Variants in MKRN1 observed in about 807,000 individuals in gnomAD.
MKRN1 encodes E3 ubiquitin-protein ligase makorin-1.
Under a neutral mutation model 55.5 loss-of-function variants are expected in MKRN1, and 9 were observed. The observed-to-expected ratio is 0.16, with a 90% CI of 0.10 to 0.28. The LOEUF (loss-of-function observed/expected upper bound fraction) is 0.28. MKRN1 is among the 10% of genes least tolerant of loss of function. MKRN1 has a pLI of 1.00. For missense variants in MKRN1, 488 were observed against 626.7 expected (o/e 0.78, Z 2.36); for synonymous variants, 253 against 235.9 (o/e 1.07, Z -0.66).
rs139052285 is a variant in MKRN1, at chr7:140,475,341, A to AAAAC, written c.186-3334_186-3331dup. On this transcript the variant is annotated intron_variant, in intron 1 of 7. Coordinates refer to ENST00000255977, the MANE Select transcript of MKRN1 (RefSeq NM_013446.4). ...TTGGGCGACACAGACTCCATCTCAG[A>AAAAC]AAACAAACAAACAAACAAACAAAAC... 49 of 362,038 alleles carry AAAAC rather than the reference A, an allele frequency of 1.4e-4. No homozygotes were observed. In the Middle Eastern group the frequency reaches 2.2e-3, roughly 16 times the overall value. 22.4% of individuals were successfully genotyped at this position (362,038 alleles called of 1,614,324 possible).
At chr7:140,462,200 TTTA>T (rs1162870121) in intron 2 of MKRN1, among the ~76,000 whole-genome samples, 1 of 151,966 alleles carries the variant, frequency 6.6e-6, no homozygotes, top group Admixed American at 6.6e-5. Flanking sequence ...TCTAACTTTT[TTTA>T]TTTTTTGTAG....
chr7:140,459,945 A>G lies in MKRN1; in HGVS notation c.315-9T>C, dbSNP rs1563088722. ...GTTTGCTATGTTCATATCTAAGAAA[A>G]AATTCAAAAGTAAGCAGTCGGCCAG... is the stretch of plus-strand genomic sequence containing the variant. On this transcript the variant is annotated splice_polypyrimidine_tract_variant and intron_variant, in intron 2 of 7. Transcript: ENST00000255977. 6.2e-7 allele frequency: 1 copy of G among 1,610,580 alleles called. No homozygotes were observed. Among genetic ancestry groups the G allele is most frequent in the East Asian group, 2.2e-5 (1 of 44,820 alleles).
At chr7:140,456,210 A>C (rs957669830) in intron 5 of MKRN1, 9 of 1,156,436 alleles carry the variant, frequency 7.8e-6, no homozygotes. Flanking sequence ...AAATAAATTT[A>C]TTTCTTGTAG....
chr7:140,476,544 TG>T (rs377589590), intron 1 of MKRN1, among the ~76,000 whole-genome samples: 2,581 of 135,372 alleles, frequency 0.019, 85 homozygotes, highest in African/African-American at 0.081. Flanking sequence ...TTACAAGTTT[TG>T]TTTTTTTTTT....
At position 140,474,708 on chromosome 7, in the gene MKRN1, G is replaced by GGA. The variant is rs1446651949; in HGVS notation, c.186-2698_186-2697insTC. 1.1e-4 allele frequency among the ~76,000 whole-genome samples: 16 copies of GGA among 148,532 alleles called. No homozygotes were observed. In the East Asian group the frequency reaches 2.9e-3, roughly 27 times the overall value. Reference sequence around the variant, plus strand: ...GCACTCAGATAAAGAATTTCTGAAGGATTTCCTTCTTTCTTTTTTTTTTTT... The same window carrying GGA: ...GCACTCAGATAAAGAATTTCTGAAGGGAATTTCCTTCTTTCTTTTTTTTTTTT... On this transcript the variant is annotated intron_variant, in intron 1 of 7. Transcript: ENST00000255977.
At chr7:140,478,940 C>T (rs1795205599) in intron 1 of MKRN1, 1 of 449,372 alleles carries the variant, frequency 2.2e-6, no homozygotes, top group East Asian at 4.3e-5. Flanking sequence ...CAGGCCTCCG[C>T]GGACAGCGCT....
rs1047587419 is a variant in MKRN1 at position 140,459,383 on chromosome 7, A to C, written c.545-150T>G. ...CTAACTTCTTCACTTGAAAGAAAGG[A>C]ATTTTTTCTACCGCTGTTATTTCCA... On this transcript the variant is annotated intron_variant, in intron 3 of 7. Coordinates refer to ENST00000255977, the MANE Select transcript of MKRN1 (RefSeq NM_013446.4). 10 of 848,266 alleles carry C rather than the reference A, an allele frequency of 1.2e-5. No individual in the cohort carries two copies. The Admixed American group carries it at 2.7e-4, about 23-fold the overall frequency. 52.5% of individuals were successfully genotyped at this position (848,266 alleles called of 1,614,324 possible). A position where few individuals can be genotyped will look rare whatever the true frequency, so the allele number is the denominator to read the frequency against.
At chr7:140,464,923 T>TG (rs375709866) in intron 2 of MKRN1, among the ~76,000 whole-genome samples, 1 of 152,162 alleles carries the variant, frequency 6.6e-6, no homozygotes, top group Non-Finnish European at 1.5e-5. Flanking sequence ...CCCCAGTAGC[T>TG]GGGACTACAG....
At chr7:140,464,469 C>T (rs981755877) in intron 2 of MKRN1, among the ~76,000 whole-genome samples, 2 of 151,818 alleles carry the variant, frequency 1.3e-5, no homozygotes, top group African/African-American at 2.4e-5. Context: ...TTTGGGAGGC[C>T]GAGGTGGGCG....
intron 1 of MKRN1, among the ~76,000 whole-genome samples, chr7:140,472,896 T>C (rs150568542): frequency 0.026 from 3,997 of 151,062 alleles, 186 homozygotes; most frequent in African/African-American, 0.09. Flanking sequence ...GGCGGATGGA[T>C]CACGAGGTCA....
intron 2 of MKRN1, among the ~76,000 whole-genome samples, chr7:140,470,994 A>T (rs1341059608): frequency 6.6e-6 from 1 of 152,112 alleles, no homozygotes; most frequent in African/African-American, 2.4e-5. Context: ...GCCATCTCAT[A>T]AGTGTCTCTG....
intron 2 of MKRN1, among the ~76,000 whole-genome samples, chr7:140,463,813 A>G (rs1310348494): frequency 6.6e-6 from 1 of 152,052 alleles, no homozygotes; most frequent in Non-Finnish European, 1.5e-5. Context: ...TGAACCTGGG[A>G]GGCGGAGCTT....
rs573092635 is a variant in MKRN1 at position 140,473,207 on chromosome 7, C to T, written c.186-1196G>A. 8 of 409,412 alleles carry T rather than the reference C, an allele frequency of 2.0e-5. No homozygotes were observed. The East Asian group carries it at 5.4e-4, about 28-fold the overall frequency. The allele number at this position is 409,412 out of a possible 1,614,324, so 25.4% of individuals were successfully genotyped here. A position where few individuals can be genotyped will look rare whatever the true frequency, so the allele number is the denominator to read the frequency against. On this transcript the variant is annotated intron_variant, in intron 1 of 7. Coordinates refer to ENST00000255977, the MANE Select transcript of MKRN1 (RefSeq NM_013446.4). ...TATATGTCTTGTTTTTAAATGATAC[C>T]ACCAAAAAAAAAAAAAAAAACATCA...
chr7:140,468,701 C>CAAAAA (rs528725182), intron 2 of MKRN1, among the ~76,000 whole-genome samples: 1,258 of 32,016 alleles, frequency 0.039, 270 homozygotes, highest in African/African-American at 0.11. Context: ...CTCTGTCTCA[C>CAAAAA]AAAAAAAAAA....
At chr7:140,468,932 T>G (rs1794844203) in intron 2 of MKRN1, among the ~76,000 whole-genome samples, 1 of 152,078 alleles carries the variant, frequency 6.6e-6, no homozygotes, top group Non-Finnish European at 1.5e-5. Flanking sequence ...TAAACAGATG[T>G]GGGATGACTT....
intron 6 of MKRN1, 184 bp from the exon 7 acceptor site, chr7:140,455,417 T>C (rs948984008): frequency 1.3e-5 from 9 of 686,998 alleles, no homozygotes; most frequent in Non-Finnish European, 2.2e-5. Context: ...AACCGGTAAC[T>C]CTGTTCAAGT....
At chr7:140,473,020 G>A (rs982550671) in intron 1 of MKRN1, among the ~76,000 whole-genome samples, 2 of 151,676 alleles carry the variant, frequency 1.3e-5, no homozygotes, top group Non-Finnish European at 2.9e-5. Flanking sequence ...GGGAGGCTGA[G>A]GCAGGGATTG....
chr7:140,468,428 C>T (rs1794830646), intron 2 of MKRN1, among the ~76,000 whole-genome samples: 1 of 140,666 alleles, frequency 7.1e-6, no homozygotes, highest in South Asian at 2.2e-4. Context: ...AGGCCAGGTG[C>T]GGTGGCTCAC....
chr7:140,459,591 C>A, intron 3 of MKRN1, 116 bp downstream of exon 3: 2 of 1,035,258 alleles, frequency 1.9e-6, no homozygotes, highest in Non-Finnish European at 2.8e-6. Context: ...AAGTACTGTA[C>A]TAAGATTAAA....
Sources: allele counts gnomAD v4.1 joint callset (sites outside exome capture counted in the v4.1 genomes callset), GRCh38; gene constraint gnomAD v4.1.1; transcripts MANE v1.5; gene names NCBI Gene and HGNC (gene_info 2026-07-23, HGNC 2026-07-21).